Variants in OTUD7A observed in about 807,000 individuals in gnomAD.
The protein encoded by OTUD7A is OTU domain-containing protein 7A.
Under a neutral mutation model 65.7 loss-of-function variants are expected in OTUD7A, and 12 were observed. The ratio of observed to expected loss-of-function variants is 0.18; its 90% CI spans 0.12 to 0.30. OTUD7A has a LOEUF of 0.30. OTUD7A is among the 10% of genes least tolerant of loss of function. The probability of loss-of-function intolerance (pLI) is 1.00; values close to 1 mark genes in which losing one functional copy is unlikely to be tolerated. For missense variants in OTUD7A, 1,148 were observed against 1,304.8 expected, an observed-to-expected ratio of 0.88 and a Z score of 1.85; for synonymous variants, 641 against 586.3, an observed-to-expected ratio of 1.09 and a Z score of -1.35.
intron 5 of OTUD7A, among the ~76,000 whole-genome samples, chr15:31,534,935 A>G (rs959830842): frequency 2.0e-5 from 3 of 152,304 alleles, no homozygotes; most frequent in East Asian, 1.9e-4. Flanking sequence ...AAATCCACAT[A>G]TAAGTGGAAG....
At chr15:31,683,235 A>G (rs1892759498) in intron 1 of OTUD7A, among the ~76,000 whole-genome samples, 1 of 152,228 alleles carries the variant, frequency 6.6e-6, no homozygotes, top group South Asian at 2.1e-4. Context: ...ACAATTTTCC[A>G]AAATAAAAAA....
In OTUD7A at chr15:31,703,054, A is replaced by G. The variant is rs556148911; in HGVS notation, c.-99-45977T>C. 9.9e-5 allele frequency among the ~76,000 whole-genome samples: 15 copies of G among 152,228 alleles called. No individual in the cohort carries two copies. In the South Asian group the frequency reaches 2.9e-3, roughly 29 times the overall value. On this transcript the variant is annotated intron_variant, in intron 1 of 12. Coordinates refer to ENST00000307050, the MANE Select transcript of OTUD7A (RefSeq NM_001382637.1). ...AAAAACAAGAAAAAAAGAAAGAAAG[A>G]AAGAAAGAGACTTGACCTAAGTCTC... is the stretch of plus-strand genomic sequence containing the variant.
rs546591281 is a variant in OTUD7A at position 31,684,386 on chromosome 15, G to A, written c.-99-27309C>T. Among the ~76,000 whole-genome samples, 17 of 152,172 alleles carry A rather than the reference G, an allele frequency of 1.1e-4. No individual in the cohort carries two copies. In the South Asian group the frequency reaches 1.5e-3, roughly 13 times the overall value. On this transcript the variant is annotated intron_variant, in intron 1 of 12. Transcript: ENST00000307050. ...ATGGATGCTGCATCAGTTACCTATT[G>A]CTGTGAAACGACAACTCCCAGATTT...
chr15:31,516,141 T>C (rs2041851255), intron 8 of OTUD7A, among the ~76,000 whole-genome samples: 1 of 152,238 alleles, frequency 6.6e-6, no homozygotes, highest in Non-Finnish European at 1.5e-5. Context: ...CACTCTGGTA[T>C]TTGAGTAGCT....
At chr15:31,793,598 G>T (rs1595772985) in intron 1 of OTUD7A, among the ~76,000 whole-genome samples, 1 of 152,236 alleles carries the variant, frequency 6.6e-6, no homozygotes, top group Admixed American at 6.5e-5. Context: ...GTACGAAGGT[G>T]CCATTTTCTT....
intron 3 of OTUD7A, 99 bp downstream of exon 3, chr15:31,654,997 A>T (rs1891946417): frequency 7.1e-7 from 1 of 1,402,892 alleles, no homozygotes; most frequent in Admixed American, 2.8e-5. Context: ...AAGCCCACTT[A>T]GTGCTCAAGT....
intron 1 of OTUD7A, among the ~76,000 whole-genome samples, chr15:31,675,780 C>A (rs1892582941): frequency 6.6e-6 from 1 of 152,192 alleles, no homozygotes; most frequent in South Asian, 2.1e-4. Flanking sequence ...TTCATAATAG[C>A]CAACCAACCC....
chr15:31,661,181 A>C (rs1892153793), intron 1 of OTUD7A, among the ~76,000 whole-genome samples: 1 of 152,240 alleles, frequency 6.6e-6, no homozygotes, highest in Non-Finnish European at 1.5e-5. Flanking sequence ...CCTAGTATGG[A>C]AAGATGGAAG....
intron 5 of OTUD7A, chr15:31,555,893 G>C (rs1309527674): frequency 8.3e-6 from 1 of 120,928 alleles, no homozygotes; most frequent in Non-Finnish European, 1.7e-5. Flanking sequence ...CCAGGCTGGA[G>C]TGCAGTGGTG....
intron 3 of OTUD7A, among the ~76,000 whole-genome samples, chr15:31,652,197 T>C (rs1337573262): frequency 2.0e-5 from 3 of 152,180 alleles, no homozygotes; most frequent in East Asian, 1.9e-4. Flanking sequence ...ATACCCTCAG[T>C]TGGCTTTTCG....
chr15:31,840,004 C>T (rs1402673487), intron 1 of OTUD7A, among the ~76,000 whole-genome samples: 1 of 151,944 alleles, frequency 6.6e-6, no homozygotes, highest in African/African-American at 2.4e-5. Context: ...CTTGACCAGA[C>T]TCTAACTACA....
chr15:31,710,847 C>T (rs979629035), intron 1 of OTUD7A, among the ~76,000 whole-genome samples: 1 of 152,160 alleles, frequency 6.6e-6, no homozygotes, highest in Non-Finnish European at 1.5e-5. Flanking sequence ...AGCCAAGCAT[C>T]TGGGGCCCCC....
chr15:31,799,563 G>C (rs564970183), intron 1 of OTUD7A, among the ~76,000 whole-genome samples: 2 of 152,288 alleles, frequency 1.3e-5, no homozygotes, highest in Admixed American at 6.5e-5. Context: ...ATGCTTAGGA[G>C]AAAGGCCATG....
intron 1 of OTUD7A, among the ~76,000 whole-genome samples, chr15:31,754,548 C>A (rs1432110280): frequency 6.6e-6 from 1 of 152,124 alleles, no homozygotes; most frequent in African/African-American, 2.4e-5. Flanking sequence ...AGGTGACAGA[C>A]AAGAATCCAT....
chr15:31,483,581 C>T lies in OTUD7A; in HGVS notation c.2515G>A (p.Gly839Arg), dbSNP rs1219640234. 3.2e-6 allele frequency: 4 copies of T among 1,244,360 alleles called. No individual in the cohort carries two copies. Among genetic ancestry groups the T allele is most frequent in the Middle Eastern group, 6.0e-4 (2 of 3,310 alleles). The allele number at this position is 1,244,360 out of a possible 1,614,324, so 77.1% of individuals were successfully genotyped here. ...TVESLARAVP[G>R]ALPGAAGTAG... ...GTCCCCGCCGCGCCCGGTAGGGCCC[C>T]GGGCACCGCGCGCGCCAGCGACTCG... Residue 839 changes from glycine (G) to arginine (R), a missense_variant, in exon 13 of 13, where the codon GGG becomes AGG. Gly to Arg is a moderately radical substitution (Grantham distance 125). Coordinates refer to ENST00000307050, the MANE Select transcript of OTUD7A (RefSeq NM_001382637.1).
intron 10 of OTUD7A, among the ~76,000 whole-genome samples, chr15:31,501,088 A>G (rs2041459046): frequency 6.6e-6 from 1 of 152,296 alleles, no homozygotes; most frequent in African/African-American, 2.4e-5. Flanking sequence ...GAGGAAACTC[A>G]GCTGCAATGC....
At chr15:31,585,977 T>G (rs188861062) in intron 3 of OTUD7A, among the ~76,000 whole-genome samples, 46 of 152,302 alleles carry the variant, frequency 3.0e-4, no homozygotes, top group African/African-American at 9.9e-4. Context: ...GACATATGCA[T>G]GTGAATATAA....
chr15:31,501,967 G>C, intron 9 of OTUD7A, 128 bp from the exon 10 acceptor site: 1 of 1,059,182 alleles, frequency 9.4e-7, no homozygotes. Flanking sequence ...AGGAGGGGTG[G>C]ATGGAGGCGG....
intron 1 of OTUD7A, among the ~76,000 whole-genome samples, chr15:31,850,380 G>T (rs1364249972): frequency 6.6e-6 from 1 of 151,558 alleles, no homozygotes; most frequent in Non-Finnish European, 1.5e-5. Flanking sequence ...TGGACACAGG[G>T]TGGGGAACAC....
Sources: gnomAD v4.1 joint callset for allele counts (sites outside exome capture counted in the v4.1 genomes callset) on GRCh38, gnomAD v4.1.1 for gene constraint, MANE v1.5 for transcripts, NCBI Gene and HGNC (gene_info 2026-07-23, HGNC 2026-07-21) for gene names.